Variants in TRABD2A observed in about 807,000 individuals in gnomAD.
TRABD2A encodes TraB domain containing 2A.
A neutral mutation model predicts 45.6 loss-of-function variants in TRABD2A; 43 were observed. That is an observed-to-expected ratio of 0.94 (90% CI 0.74 to 1.22). TRABD2A has a LOEUF of 1.22. Ranked by LOEUF, TRABD2A falls within the 50% of genes most tolerant of loss-of-function variation. The pLI is 0.00. For missense variants in TRABD2A, 642 were observed against 652.4 expected (o/e 0.98, Z 0.17); for synonymous variants, 269 against 265.0 (o/e 1.02, Z -0.15).
chr2:84,842,271 G>T (rs945979340), intron 2 of TRABD2A, among the ~76,000 whole-genome samples: 1 of 152,152 alleles, frequency 6.6e-6, no homozygotes, highest in Non-Finnish European at 1.5e-5. Context: ...CCATGAGTGT[G>T]ACCAAGAGGT....
intron 2 of TRABD2A, among the ~76,000 whole-genome samples, chr2:84,849,732 T>TA (rs998724268): frequency 2.0e-5 from 3 of 152,022 alleles, no homozygotes; most frequent in Non-Finnish European, 4.4e-5. Flanking sequence ...CTCTTGCAAA[T>TA]AAAAAAATGC....
At chr2:84,840,353 C>G (rs1681667221) in intron 3 of TRABD2A, among the ~76,000 whole-genome samples, 1 of 152,108 alleles carries the variant, frequency 6.6e-6, no homozygotes, top group South Asian at 2.1e-4. Context: ...TTCAGCAGAG[C>G]CCCCCTCTCT....
At chr2:84,823,014 G>A (rs1262359783) in intron 6 of TRABD2A, among the ~76,000 whole-genome samples, 1 of 152,096 alleles carries the variant, frequency 6.6e-6, no homozygotes, top group East Asian at 1.9e-4. Flanking sequence ...TCCCTATTCA[G>A]TTGTTCACTC....
chr2:84,838,940 C>T (rs1681611937), intron 4 of TRABD2A: 1 of 561,580 alleles, frequency 1.8e-6, no homozygotes, highest in Middle Eastern at 4.8e-4. Flanking sequence ...ATGTCACATG[C>T]ACCAGCTCAT....
intron 2 of TRABD2A, among the ~76,000 whole-genome samples, chr2:84,849,138 T>C (rs1270229965): frequency 1.3e-5 from 2 of 152,112 alleles, no homozygotes; most frequent in Non-Finnish European, 2.9e-5. Flanking sequence ...ATGTATCCCC[T>C]ACTGTCCCAA....
rs1681075585 is a variant in TRABD2A, at chr2:84,824,081, A to G, written c.1206T>C (p.Leu402=). ...VSSGHSTLPP[L]VSRPGSADTP... is the part of the protein sequence containing the mutation. The stretch of plus-strand genomic sequence containing the variant: ...TGTCGGCACTTCCAGGCCGGGACAC[A>G]AGGGGAGGCAGCGTTGAGTGCCCTG... The change falls in exon 6 of 7, where the codon CTT becomes CTC. Residue 402 remains leucine (L), a synonymous_variant. Coordinates refer to ENST00000409520, the MANE Select transcript of TRABD2A (RefSeq NM_001277053.2). 1 of 1,613,734 alleles carries G rather than the reference A, an allele frequency of 6.2e-7. No individual in the cohort carries two copies. The highest frequency in any genetic ancestry group is 8.5e-7 in the Non-Finnish European group (1 of 1,179,814).
chr2:84,870,476 G>A lies in TRABD2A; in HGVS notation c.418C>T (p.Pro140Ser), dbSNP rs778940251. 4.3e-6 allele frequency: 7 copies of A among 1,613,880 alleles called. No individual in the cohort carries two copies. In the African/African-American group the frequency reaches 8.0e-5, roughly 18 times the overall value. Residue 140 changes from proline (P) to serine (S), a missense_variant, in exon 2 of 7, where the codon CCA becomes TCA. Physicochemically the swap from Pro to Ser is moderately conservative, Grantham distance 74. Coordinates refer to ENST00000409520, the MANE Select transcript of TRABD2A (RefSeq NM_001277053.2). ...VKLMMPLWMT[P>S]DQRGKGLYAD... ...TAGAGCCCCTTGCCGCGCTGGTCTGGGGTCATCCACAAGGGCATCATGAGC... is the reference window on the plus strand; with the variant it reads ...TAGAGCCCCTTGCCGCGCTGGTCTGAGGTCATCCACAAGGGCATCATGAGC...
chr2:84,842,656 G>A (rs888836071), intron 2 of TRABD2A, among the ~76,000 whole-genome samples: 1 of 151,332 alleles, frequency 6.6e-6, no homozygotes, highest in Admixed American at 6.6e-5. Context: ...TTGAACCCAG[G>A]AGACAGAGGT....
intron 2 of TRABD2A, among the ~76,000 whole-genome samples, chr2:84,842,455 G>A (rs1436875507): frequency 6.6e-6 from 1 of 152,172 alleles, no homozygotes; most frequent in Non-Finnish European, 1.5e-5. Flanking sequence ...CCCAGCTAAT[G>A]GCGTCATTAG....
At chr2:84,860,195 T>C (rs1386498783) in intron 2 of TRABD2A, among the ~76,000 whole-genome samples, 1 of 152,124 alleles carries the variant, frequency 6.6e-6, no homozygotes, top group East Asian at 1.9e-4. Context: ...TGCTCAAACT[T>C]TGCAACTTTA....
chr2:84,858,027 C>A (rs1370156268), intron 2 of TRABD2A, among the ~76,000 whole-genome samples: 1 of 152,152 alleles, frequency 6.6e-6, no homozygotes, highest in Non-Finnish European at 1.5e-5. Flanking sequence ...AGGCGCTCAC[C>A]ACCATGCCCA....
intron 5 of TRABD2A, among the ~76,000 whole-genome samples, chr2:84,826,869 AT>A (rs369200460): frequency 4.6e-5 from 7 of 152,244 alleles, no homozygotes; most frequent in African/African-American, 1.7e-4. Context: ...CATTGTTGAG[AT>A]TTTTTTCAGG....
At chr2:84,855,311 C>A (rs1682237143) in intron 2 of TRABD2A, among the ~76,000 whole-genome samples, 1 of 152,032 alleles carries the variant, frequency 6.6e-6, no homozygotes, top group South Asian at 2.1e-4. Context: ...GATAAAACAC[C>A]CCTGATATGG....
intron 2 of TRABD2A, among the ~76,000 whole-genome samples, chr2:84,851,351 A>C (rs1682088952): frequency 6.6e-6 from 1 of 152,212 alleles, no homozygotes; most frequent in South Asian, 2.1e-4. Context: ...ACCCAGAAAA[A>C]AATGAGCCAC....
chr2:84,841,424 C>T (rs922168713), intron 3 of TRABD2A, among the ~76,000 whole-genome samples: 1 of 152,240 alleles, frequency 6.6e-6, no homozygotes, highest in Non-Finnish European at 1.5e-5. Flanking sequence ...CTCTGATGCC[C>T]TAAGCCTGTA....
At chr2:84,840,100 G>C (rs80103778) in intron 3 of TRABD2A, among the ~76,000 whole-genome samples, 11,976 of 151,968 alleles carry the variant, frequency 0.079, 506 homozygotes, top group Non-Finnish European at 0.085. Context: ...CATTATCTTG[G>C]TCAGTATCTA....
chr2:84,855,469 T>C (rs1056247050), intron 2 of TRABD2A, among the ~76,000 whole-genome samples: 1 of 152,120 alleles, frequency 6.6e-6, no homozygotes, highest in South Asian at 2.1e-4. Context: ...AGTCTAACCA[T>C]AATCATGGCT....
At chr2:84,832,260 C>G in intron 4 of TRABD2A, 115 bp from the exon 5 acceptor site, 1 of 1,042,474 alleles carries the variant, frequency 9.6e-7, no homozygotes. Flanking sequence ...GCCTATCTGT[C>G]CAGCACAGTA....
At chr2:84,859,956 G>C (rs779718550) in intron 2 of TRABD2A, among the ~76,000 whole-genome samples, 49 of 152,034 alleles carry the variant, frequency 3.2e-4, no homozygotes, top group South Asian at 8.3e-4. Context: ...AGATGGGGGG[G>C]GGTCTCACTA....
Sources: gnomAD v4.1 joint callset for allele counts (sites outside exome capture counted in the v4.1 genomes callset) on GRCh38, gnomAD v4.1.1 for gene constraint, MANE v1.5 for transcripts, NCBI Gene and HGNC (gene_info 2026-07-23, HGNC 2026-07-21) for gene names.